Variants in MICU1 observed in about 807,000 individuals in gnomAD.
MICU1 encodes calcium uptake protein 1, mitochondrial.
MICU1 carries 45 observed loss-of-function variants against 56.8 expected under a neutral mutation model. The observed-to-expected ratio is 0.79, with a 90% CI of 0.62 to 1.02. The LOEUF (loss-of-function observed/expected upper bound fraction) is 1.02. Among genes scored for constraint, MICU1 ranks in the 50% least tolerant of loss-of-function variants. The pLI is 0.00. For synonymous variants in MICU1, 186 were observed against 195.1 expected (o/e 0.95, Z 0.39); for missense variants, 504 against 587.1 (o/e 0.86, Z 1.46).
chr10:72,442,718 G>C lies in MICU1; in HGVS notation c.934-19347C>G, dbSNP rs148386417. 1.5e-4 allele frequency among the ~76,000 whole-genome samples: 23 copies of C among 152,208 alleles called. No homozygotes were observed. The East Asian group carries it at 4.4e-3, about 29-fold the overall frequency. ...TTAGTCTTCAGTGCTATTACAGTAGGTAAGGTCTAGACCTAACAGAAGAGT... is the reference window on the plus strand; with the variant it reads ...TTAGTCTTCAGTGCTATTACAGTAGCTAAGGTCTAGACCTAACAGAAGAGT... On this transcript the variant is annotated intron_variant, in intron 8 of 11. Coordinates refer to ENST00000361114, the MANE Select transcript of MICU1 (RefSeq NM_001195518.2).
At chr10:72,509,444 T>A (rs1354339909) in intron 5 of MICU1, 1 of 1,312,582 alleles carries the variant, frequency 7.6e-7, no homozygotes, top group Admixed American at 2.2e-5. Flanking sequence ...GAAAGAAAAC[T>A]GGTTAACCAA....
chr10:72,427,821 A>G (rs115398485), intron 8 of MICU1, among the ~76,000 whole-genome samples: 4,044 of 151,318 alleles, frequency 0.027, 173 homozygotes, highest in African/African-American at 0.094. Context: ...AAGACTGCAT[A>G]GTGATCTCAA....
intron 9 of MICU1, among the ~76,000 whole-genome samples, chr10:72,417,644 T>G (rs1160183793): frequency 6.6e-6 from 1 of 152,194 alleles, no homozygotes; most frequent in African/African-American, 2.4e-5. Context: ...CACTGTGAAT[T>G]ACATTTATGA....
rs188477215 is a variant in MICU1 at position 72,394,729 on chromosome 10, G to A, written c.1180+13200C>T. On this transcript the variant is annotated intron_variant, in intron 10 of 11. Coordinates refer to ENST00000361114, the MANE Select transcript of MICU1 (RefSeq NM_001195518.2). ...CCAACCACTATAATCCTAGCACTTT[G>A]GGAGGCCAAGGCAGAAGGATCCTGT... is the stretch of plus-strand genomic sequence containing the variant. 1.0e-3 allele frequency among the ~76,000 whole-genome samples: 158 copies of A among 152,324 alleles called. 1 individual carries two copies. The highest frequency in any genetic ancestry group is 0.01 in the Middle Eastern group (3 of 294).
chr10:72,450,744 A>C (rs1184553233), intron 8 of MICU1, among the ~76,000 whole-genome samples: 1 of 100,774 alleles, frequency 9.9e-6, no homozygotes, highest in Admixed American at 1.2e-4. Flanking sequence ...TTTTTTTTTG[A>C]GATGGGATCT....
intron 8 of MICU1, among the ~76,000 whole-genome samples, chr10:72,449,652 T>G (rs775436899): frequency 2.6e-5 from 4 of 151,160 alleles, no homozygotes; most frequent in Non-Finnish European, 5.9e-5. Flanking sequence ...TAAGGTTTTC[T>G]TTAGTTTTTT....
At chr10:72,542,830 T>C (rs553010161) in intron 4 of MICU1, among the ~76,000 whole-genome samples, 154 of 152,188 alleles carry the variant, frequency 1.0e-3, no homozygotes, top group South Asian at 8.9e-3. Context: ...CACGAACAAA[T>C]TGAAAGATGG....
At chr10:72,489,376 A>G (rs148494643) in intron 6 of MICU1, among the ~76,000 whole-genome samples, 1 of 152,212 alleles carries the variant, frequency 6.6e-6, no homozygotes, top group East Asian at 1.9e-4. Context: ...TTTAATCCTC[A>G]TAACAACTCT....
At chr10:72,543,668 A>C (rs1395369514) in intron 4 of MICU1, among the ~76,000 whole-genome samples, 2 of 152,162 alleles carry the variant, frequency 1.3e-5, no homozygotes, top group African/African-American at 4.8e-5. Context: ...ATCCTGGCTA[A>C]CACGGTGAAA....
At chr10:72,496,341 G>A (rs1459346695) in intron 6 of MICU1, among the ~76,000 whole-genome samples, 5 of 141,072 alleles carry the variant, frequency 3.5e-5, no homozygotes, top group South Asian at 2.2e-4. Context: ...TTGTTCTGAC[G>A]CCCAGGCTGG....
intron 3 of MICU1, among the ~76,000 whole-genome samples, chr10:72,555,762 A>G (rs917481072): frequency 2.6e-5 from 4 of 152,208 alleles, no homozygotes; most frequent in African/African-American, 7.2e-5. Context: ...ATGGTAGTCC[A>G]TATCACCACC....
chr10:72,404,439 A>T (rs1863563545), intron 10 of MICU1, among the ~76,000 whole-genome samples: 1 of 152,244 alleles, frequency 6.6e-6, no homozygotes, highest in South Asian at 2.1e-4. Flanking sequence ...GCAGAAATCA[A>T]CTCAATAGGC....
intron 10 of MICU1, among the ~76,000 whole-genome samples, chr10:72,403,252 G>T (rs1197279129): frequency 1.3e-5 from 2 of 152,042 alleles, no homozygotes; most frequent in Non-Finnish European, 2.9e-5. Flanking sequence ...CCCAGCTTTT[G>T]GGAGGCTGAG....
chr10:72,532,571 G>C (rs928562847), intron 5 of MICU1, among the ~76,000 whole-genome samples: 3 of 152,020 alleles, frequency 2.0e-5, no homozygotes, highest in African/African-American at 7.3e-5. Context: ...CATTGGATAG[G>C]GTACTTTACC....
At chr10:72,416,938 T>C (rs2132123221) in intron 9 of MICU1, among the ~76,000 whole-genome samples, 1 of 152,290 alleles carries the variant, frequency 6.6e-6, no homozygotes, top group Middle Eastern at 3.4e-3. Flanking sequence ...CTAAGTGAGT[T>C]ACCTTGCTTT....
At chr10:72,588,592 A>T (rs1370626529) in intron 1 of MICU1, among the ~76,000 whole-genome samples, 2 of 152,250 alleles carry the variant, frequency 1.3e-5, no homozygotes, top group Admixed American at 6.5e-5. Flanking sequence ...TCAGTTAGAC[A>T]TAAAAATTGG....
chr10:72,438,198 C>G (rs1306309708), intron 8 of MICU1, among the ~76,000 whole-genome samples: 1 of 152,038 alleles, frequency 6.6e-6, no homozygotes, highest in African/African-American at 2.4e-5. Flanking sequence ...AACAAACTGT[C>G]TCTCAGACCA....
At chr10:72,577,563 A>G (rs182053938) in intron 1 of MICU1, among the ~76,000 whole-genome samples, 4 of 151,952 alleles carry the variant, frequency 2.6e-5, no homozygotes, top group African/African-American at 2.4e-5. Context: ...ACCCAATCTC[A>G]TCTGATCAGT....
At chr10:72,468,453 AT>A (rs1865860390) in intron 8 of MICU1, among the ~76,000 whole-genome samples, 1 of 151,880 alleles carries the variant, frequency 6.6e-6, no homozygotes, top group East Asian at 1.9e-4. Context: ...ATTAACTGGA[AT>A]TAGATTTGGC....
Sources: gnomAD v4.1 joint callset for allele counts (sites outside exome capture counted in the v4.1 genomes callset) on GRCh38, gnomAD v4.1.1 for gene constraint, MANE v1.5 for transcripts, NCBI Gene and HGNC (gene_info 2026-07-23, HGNC 2026-07-21) for gene names.